Variants in CDIN1 observed in about 807,000 individuals in gnomAD.
CDIN1 encodes the protein CDAN1 interacting nuclease 1.
In CDIN1, 33 loss-of-function variants were observed where a neutral mutation model predicts 45.3. That is an observed-to-expected ratio of 0.73 (90% CI 0.55 to 0.97). CDIN1 has a LOEUF of 0.97. Ranked by LOEUF, CDIN1 falls within the 50% of genes least tolerant of loss-of-function variation. The pLI, the probability that CDIN1 is intolerant of heterozygous loss-of-function variation, is 0.00. For missense variants in CDIN1, 303 were observed against 339.4 expected, an observed-to-expected ratio of 0.89 and a Z score of 0.84; for synonymous variants, 118 against 124.4, an observed-to-expected ratio of 0.95 and a Z score of 0.34.
intron 10 of CDIN1, among the ~76,000 whole-genome samples, chr15:36,768,690 G>C (rs189054312): frequency 1.3e-5 from 2 of 152,154 alleles, no homozygotes; most frequent in African/African-American, 4.8e-5. Flanking sequence ...TGGTCAGAGT[G>C]GGGTGGAACT....
Position 36,771,001 on chromosome 15 carries a change from A to G in CDIN1, c.717-37323A>G, listed in dbSNP as rs137923782. On this transcript the variant is annotated intron_variant, in intron 10 of 10. Coordinates refer to ENST00000566621, the MANE Select transcript of CDIN1 (RefSeq NM_001321759.2). ...AGAACAGCTCAGTTTGAGAATGAAT[A>G]TTACAAAATACTGGTGCTTAAGACT... 1.4e-3 allele frequency among the ~76,000 whole-genome samples: 215 copies of G among 152,296 alleles called. 1 individual carries two copies. Among genetic ancestry groups the G allele is most frequent in the African/African-American group, 4.6e-3 (191 of 41,556 alleles).
At chr15:36,628,891 A>G (rs1444203249) in intron 1 of CDIN1, among the ~76,000 whole-genome samples, 1 of 152,248 alleles carries the variant, frequency 6.6e-6, no homozygotes, top group Non-Finnish European at 1.5e-5. Context: ...ATGGAATTAC[A>G]TGCATCCTGA....
chr15:36,672,621 G>T (rs540269675), intron 5 of CDIN1, among the ~76,000 whole-genome samples: 19 of 151,562 alleles, frequency 1.3e-4, no homozygotes, highest in Admixed American at 7.2e-4. Context: ...TGGTTGGGGT[G>T]GGGGGAGGTC....
intron 10 of CDIN1, among the ~76,000 whole-genome samples, chr15:36,735,811 ATTTGAG>A (rs2043997526): frequency 6.6e-6 from 1 of 152,156 alleles, no homozygotes; most frequent in East Asian, 1.9e-4. Flanking sequence ...GATTAATTAT[ATTTGAG>A]TTTAATTTCC....
intron 8 of CDIN1, among the ~76,000 whole-genome samples, chr15:36,703,795 G>C (rs903469648): frequency 6.6e-6 from 1 of 152,096 alleles, no homozygotes; most frequent in Non-Finnish European, 1.5e-5. Context: ...CATTGAGATT[G>C]GTTCGGCGAC....
intron 5 of CDIN1, among the ~76,000 whole-genome samples, chr15:36,675,261 C>A (rs1280138954): frequency 6.6e-6 from 1 of 152,098 alleles, no homozygotes; most frequent in Non-Finnish European, 1.5e-5. Context: ...TTAATTGCTG[C>A]ACTGTGGGAG....
At chr15:36,678,401 T>G (rs2041725402) in intron 5 of CDIN1, among the ~76,000 whole-genome samples, 1 of 152,196 alleles carries the variant, frequency 6.6e-6, no homozygotes, top group South Asian at 2.1e-4. Flanking sequence ...TAATTGGTAT[T>G]TAGGCTTTGC....
intron 5 of CDIN1, among the ~76,000 whole-genome samples, chr15:36,685,327 T>G (rs1429477707): frequency 2.0e-5 from 3 of 151,970 alleles, no homozygotes; most frequent in Non-Finnish European, 2.9e-5. Context: ...CTGCCTTCAT[T>G]TCGTTATGTA....
intron 1 of CDIN1, chr15:36,618,278 G>A (rs1044727108): frequency 1.5e-6 from 1 of 665,146 alleles, no homozygotes; most frequent in Non-Finnish European, 2.7e-6. Flanking sequence ...TTGGGGGATG[G>A]ACAATTGAAC....
chr15:36,729,279 A>G (rs1435861164), intron 10 of CDIN1, among the ~76,000 whole-genome samples: 3 of 152,190 alleles, frequency 2.0e-5, no homozygotes, highest in Admixed American at 2.0e-4. Context: ...GAGACTCTCC[A>G]TAATTTGGTT....
intron 10 of CDIN1, among the ~76,000 whole-genome samples, chr15:36,746,752 C>G (rs949045657): frequency 1.3e-5 from 1 of 74,346 alleles, no homozygotes; most frequent in Non-Finnish European, 2.4e-5. Context: ...GGAAACGTGT[C>G]TTTTTTTTTT....
chr15:36,653,689 G>A (rs2040664428), intron 3 of CDIN1, among the ~76,000 whole-genome samples: 1 of 152,182 alleles, frequency 6.6e-6, no homozygotes, highest in Non-Finnish European at 1.5e-5. Context: ...GCAGCCCTGT[G>A]AAACAGGTAA....
At chr15:36,727,740 A>G (rs2043690015) in intron 10 of CDIN1, among the ~76,000 whole-genome samples, 1 of 152,164 alleles carries the variant, frequency 6.6e-6, no homozygotes, top group African/African-American at 2.4e-5. Flanking sequence ...TTATTCTATA[A>G]ATATCTTTTA....
chr15:36,752,793 T>C (rs1460034410), intron 10 of CDIN1, among the ~76,000 whole-genome samples: 1 of 152,198 alleles, frequency 6.6e-6, no homozygotes, highest in African/African-American at 2.4e-5. Flanking sequence ...ACTGAGTTTA[T>C]AATGTTCTGA....
intron 1 of CDIN1, among the ~76,000 whole-genome samples, chr15:36,601,076 AG>A (rs1226477880): frequency 6.6e-6 from 1 of 151,836 alleles, no homozygotes; most frequent in African/African-American, 2.4e-5. Context: ...AAAAAAAAAA[AG>A]TAAAAGGTTC....
chr15:36,709,702 A>G (rs2042987668), intron 9 of CDIN1, 154 bp from the exon 10 acceptor site: 1 of 584,124 alleles, frequency 1.7e-6, no homozygotes, highest in Non-Finnish European at 3.1e-6. Flanking sequence ...TGTAATGAAC[A>G]TATACAGTGT....
Position 36,747,878 on chromosome 15 carries a change from ACT to A in CDIN1, c.716+37920_716+37921del, listed in dbSNP as rs199738127. On this transcript the variant is annotated intron_variant, in intron 10 of 10. Coordinates refer to ENST00000566621, the MANE Select transcript of CDIN1 (RefSeq NM_001321759.2). ...CTAATACAAGACCTGAGGATTTTTC[ACT>A]CTGAGTCTTGTTCCCTTGCTGCTAC... 1.2e-3 allele frequency among the ~76,000 whole-genome samples: 184 copies of A among 152,172 alleles called. 1 individual carries two copies. Among genetic ancestry groups the A allele is most frequent in the African/African-American group, 4.3e-3 (179 of 41,480 alleles).
rs751723210 is a variant in CDIN1, at chr15:36,808,416, C to G, written c.809C>G (p.Pro270Arg). Residue 270 changes from proline to arginine, a missense_variant, in exon 11 of 11, where the codon CCC becomes CGC. Transcript: ENST00000566621. Reference sequence around the variant, plus strand: ...GGCATCCTGCTCAAAGCCTGTTTCCCCACGAACATTGTCACCTTATGCCAC... The same window carrying G: ...GGCATCCTGCTCAAAGCCTGTTTCCGCACGAACATTGTCACCTTATGCCAC... ...ERGILLKACFPTNIVTLCHSI... is the reference protein window; with the variant it reads ...ERGILLKACFRTNIVTLCHSI... The G allele has an allele frequency of 6.2e-7, 1 of 1,613,506 alleles. No individual in the cohort carries two copies. The highest frequency in any genetic ancestry group is 1.1e-5 in the South Asian group (1 of 91,072).
chr15:36,709,152 TA>T, intron 8 of CDIN1, 70 bp from the exon 9 acceptor site: 1 of 1,315,366 alleles, frequency 7.6e-7, no homozygotes, highest in Non-Finnish European at 1.0e-6. Flanking sequence ...ATTTAAGAAA[TA>T]AAAACAAATA....
Sources: gnomAD v4.1 joint callset for allele counts (sites outside exome capture counted in the v4.1 genomes callset) on GRCh38, gnomAD v4.1.1 for gene constraint, MANE v1.5 for transcripts, NCBI Gene and HGNC (gene_info 2026-07-23, HGNC 2026-07-21) for gene names.